Variants in FCHSD2 observed in about 807,000 individuals in gnomAD.
FCHSD2 encodes F-BAR and double SH3 domains protein 2.
In FCHSD2, 38 loss-of-function variants were observed where a neutral mutation model predicts 108.1. The ratio of observed to expected loss-of-function variants is 0.35; its 90% CI spans 0.27 to 0.46. The LOEUF (loss-of-function observed/expected upper bound fraction) is 0.46, where lower values mean the gene tolerates loss of function less well. Ranked by LOEUF, FCHSD2 falls within the 20% of genes least tolerant of loss-of-function variation. The pLI, the probability that FCHSD2 is intolerant of heterozygous loss-of-function variation, is 1.00. For missense variants in FCHSD2, 751 were observed against 897.8 expected (o/e 0.84, Z 2.09); for synonymous variants, 279 against 314.7 (o/e 0.89, Z 1.20).
intron 14 of FCHSD2, among the ~76,000 whole-genome samples, chr11:72,843,830 T>G (rs1861041900): frequency 6.7e-6 from 1 of 148,990 alleles, no homozygotes; most frequent in Admixed American, 6.7e-5. Context: ...TACCAATAAA[T>G]AAATAAATAA....
At chr11:73,013,026 C>T (rs1857894308) in intron 4 of FCHSD2, among the ~76,000 whole-genome samples, 1 of 152,154 alleles carries the variant, frequency 6.6e-6, no homozygotes, top group Non-Finnish European at 1.5e-5. Context: ...TCGAATCCAC[C>T]TTTACACTAT....
At position 72,900,675 on chromosome 11, in the gene FCHSD2, T is replaced by TA. The variant is rs61105502; in HGVS notation, c.924+1867dup. 5.8e-3 allele frequency among the ~76,000 whole-genome samples: 860 copies of TA among 147,594 alleles called. 2 individuals are homozygous for TA. The highest frequency in any genetic ancestry group is 9.5e-3 in the African/African-American group (386 of 40,536). On this transcript the variant is annotated intron_variant, in intron 10 of 19. Coordinates refer to ENST00000409418, the MANE Select transcript of FCHSD2 (RefSeq NM_014824.3). Reference sequence around the variant, plus strand: ...AGTCATTGGCAAAAGCTGATTTGATTAAAAAAAAAAAGCACTACTATAAAG... The same window carrying TA: ...AGTCATTGGCAAAAGCTGATTTGATTAAAAAAAAAAAAGCACTACTATAAAG...
intron 8 of FCHSD2, among the ~76,000 whole-genome samples, chr11:72,967,848 T>G (rs554826097): frequency 1.3e-5 from 2 of 151,294 alleles, no homozygotes; most frequent in Admixed American, 6.6e-5. Flanking sequence ...TCTCAGCACT[T>G]TGGGAGGCCG....
chr11:72,868,967 T>C (rs924871131), intron 12 of FCHSD2, among the ~76,000 whole-genome samples: 9 of 151,980 alleles, frequency 5.9e-5, no homozygotes. Flanking sequence ...AGTGCAGTGG[T>C]ATGATCTTGG....
rs1565278182 is a variant in FCHSD2, at chr11:72,837,550, C to CGG, written c.*1240_*1241insCC. ...CCCTACCTTCTACAGGAGCGGACAGCAGACAGTCAGCACCTGACGTGGGGG... is the reference window on the plus strand; with the variant it reads ...CCCTACCTTCTACAGGAGCGGACAGCGGAGACAGTCAGCACCTGACGTGGGGG... On this transcript the variant is annotated 3_prime_UTR_variant, in exon 20 of 20. Transcript: ENST00000409418. 3.3e-5 allele frequency: 5 copies of CGG among 152,134 alleles called. No individual in the cohort carries two copies. In the East Asian group the frequency reaches 9.7e-4, roughly 29 times the overall value. 9.4% of individuals were successfully genotyped at this position (152,134 alleles called of 1,614,324 possible). A position where few individuals can be genotyped will look rare whatever the true frequency, so the allele number is the denominator to read the frequency against.
intron 3 of FCHSD2, among the ~76,000 whole-genome samples, chr11:73,037,438 C>T (rs1056689998): frequency 2.0e-5 from 3 of 152,064 alleles, no homozygotes; most frequent in African/African-American, 7.2e-5. Flanking sequence ...CTATTTGTCC[C>T]TTCCCCTTCA....
chr11:72,983,195 G>C (rs1857248152), intron 8 of FCHSD2, among the ~76,000 whole-genome samples: 1 of 151,290 alleles, frequency 6.6e-6, no homozygotes, highest in Admixed American at 6.6e-5. Context: ...TTGGGAGGCT[G>C]AGGCAGGAGA....
rs780230005 is a variant in FCHSD2 at position 72,838,031 on chromosome 11, G to A, written c.*760C>T. 4.6e-5 allele frequency: 7 copies of A among 152,168 alleles called. No homozygotes were observed. The highest frequency in any genetic ancestry group is 7.4e-5 in the Non-Finnish European group (5 of 68,022). 9.4% of individuals were successfully genotyped at this position (152,168 alleles called of 1,614,324 possible). ...CATTATATTGGCTAATTTCAGATCC[G>A]GAAGTTCCATTTCTGCTTTAGCCAC... On this transcript the variant is annotated 3_prime_UTR_variant, in exon 20 of 20. Transcript: ENST00000409418.
At chr11:73,123,985 T>C (rs758638124) in intron 2 of FCHSD2, among the ~76,000 whole-genome samples, 2 of 152,190 alleles carry the variant, frequency 1.3e-5, no homozygotes, top group Non-Finnish European at 2.9e-5. Context: ...AGGGATCCAG[T>C]TTCAGCTTTC....
At chr11:72,948,287 C>A (rs1210287468) in intron 8 of FCHSD2, among the ~76,000 whole-genome samples, 5 of 152,294 alleles carry the variant, frequency 3.3e-5, no homozygotes, top group African/African-American at 9.6e-5. Flanking sequence ...GGATTACAAG[C>A]GTGAGCCACT....
At chr11:73,098,541 T>C (rs546390177) in intron 2 of FCHSD2, among the ~76,000 whole-genome samples, 1 of 152,186 alleles carries the variant, frequency 6.6e-6, no homozygotes, top group Non-Finnish European at 1.5e-5. Context: ...GAGTGTTCTA[T>C]ATACACCTGT....
chr11:73,122,131 T>A (rs1860747874), intron 2 of FCHSD2, among the ~76,000 whole-genome samples: 1 of 152,142 alleles, frequency 6.6e-6, no homozygotes, highest in Non-Finnish European at 1.5e-5. Flanking sequence ...TCCTTTAGGT[T>A]TTCTTTAATA....
chr11:72,934,771 G>T (rs1856267144), intron 8 of FCHSD2, among the ~76,000 whole-genome samples: 1 of 151,880 alleles, frequency 6.6e-6, no homozygotes. Context: ...GCAAAAACTT[G>T]GTAGGTAATT....
intron 2 of FCHSD2, among the ~76,000 whole-genome samples, chr11:73,139,470 C>T (rs959586970): frequency 1.3e-5 from 2 of 152,158 alleles, no homozygotes; most frequent in Non-Finnish European, 2.9e-5. Context: ...CTGATTTTCA[C>T]AATATTAGCA....
intron 14 of FCHSD2, among the ~76,000 whole-genome samples, chr11:72,849,373 AAAT>A (rs1298407847): frequency 6.6e-6 from 1 of 152,230 alleles, no homozygotes; most frequent in African/African-American, 2.4e-5. Context: ...AGAAATATGA[AAAT>A]AAATAAGATT....
At chr11:73,099,512 C>T (rs955945110) in intron 2 of FCHSD2, among the ~76,000 whole-genome samples, 6 of 152,194 alleles carry the variant, frequency 3.9e-5, no homozygotes, top group Non-Finnish European at 4.4e-5. Context: ...AACAGCATTA[C>T]TCATAACAGT....
rs557788262 is a variant in FCHSD2 at position 72,865,052 on chromosome 11, T to C, written c.1308+2813A>G. Reference sequence around the variant, plus strand: ...TAAGTATAGTTCCTTCCTTATTCTATAAGGGAGTAGTCTGTGTCTTTTTAA... The same window carrying C: ...TAAGTATAGTTCCTTCCTTATTCTACAAGGGAGTAGTCTGTGTCTTTTTAA... On this transcript the variant is annotated intron_variant, in intron 13 of 19. Coordinates refer to ENST00000409418, the MANE Select transcript of FCHSD2 (RefSeq NM_014824.3). 3.3e-5 allele frequency among the ~76,000 whole-genome samples: 5 copies of C among 152,370 alleles called. No individual in the cohort carries two copies. In the East Asian group the frequency reaches 9.6e-4, roughly 29 times the overall value.
chr11:72,860,810 T>C (rs180887054), intron 13 of FCHSD2, among the ~76,000 whole-genome samples: 2 of 151,240 alleles, frequency 1.3e-5, no homozygotes, highest in Admixed American at 6.6e-5. Context: ...AGAGCAAGAC[T>C]CTGTTTGAAA....
chr11:73,109,093 G>A (rs1371777730), intron 2 of FCHSD2, among the ~76,000 whole-genome samples: 8 of 152,108 alleles, frequency 5.3e-5, no homozygotes, highest in African/African-American at 1.7e-4. Context: ...ATTGACCTGT[G>A]TGTCTGTTTT....
Sources: gnomAD v4.1 joint callset for allele counts (sites outside exome capture counted in the v4.1 genomes callset) on GRCh38, gnomAD v4.1.1 for gene constraint, MANE v1.5 for transcripts, NCBI Gene and HGNC (gene_info 2026-07-23, HGNC 2026-07-21) for gene names.